The following CDC20B variants were observed in gnomAD, a reference collection of about 807,000 sequenced individuals.
The protein encoded by CDC20B is cell division cycle protein 20 homolog B.
In CDC20B, 58 loss-of-function variants were observed where a neutral mutation model predicts 64.1. The ratio of observed to expected loss-of-function variants is 0.90; its 90% CI spans 0.73 to 1.13. The LOEUF (loss-of-function observed/expected upper bound fraction) is 1.13, where lower values mean the gene tolerates loss of function less well. Among genes scored for constraint, CDC20B ranks in the 50% most tolerant of loss-of-function variants. The pLI is 0.00. For synonymous variants in CDC20B, 243 were observed against 230.6 expected (o/e 1.05, Z -0.49); for missense variants, 597 against 633.0 (o/e 0.94, Z 0.61).
intron 4 of CDC20B, among the ~76,000 whole-genome samples, chr5:55,143,051 G>GA (rs1045327139): frequency 1.5e-4 from 22 of 151,486 alleles, no homozygotes; most frequent in African/African-American, 4.8e-4. Context: ...ACTTAACCAA[G>GA]AAAAAAACAA....
At chr5:55,147,447 CAA>C (rs1002843277) in intron 2 of CDC20B, among the ~76,000 whole-genome samples, 7 of 143,468 alleles carry the variant, frequency 4.9e-5, no homozygotes, top group East Asian at 2.0e-4. Flanking sequence ...TATTTATATA[CAA>C]AAGTTATATT....
intron 2 of CDC20B, among the ~76,000 whole-genome samples, chr5:55,155,641 T>G (rs1561299792): frequency 1.3e-5 from 2 of 152,222 alleles, no homozygotes; most frequent in Admixed American, 6.5e-5. Flanking sequence ...CCCATCCTAG[T>G]AGGCAATATG....
At chr5:55,118,712 G>T (rs1742682748) in intron 11 of CDC20B, among the ~76,000 whole-genome samples, 1 of 152,148 alleles carries the variant, frequency 6.6e-6, no homozygotes, top group Non-Finnish European at 1.5e-5. Context: ...TCACCAAAAT[G>T]GCTCTGCTAA....
At chr5:55,157,871 AAC>A (rs1469867785) in intron 2 of CDC20B, among the ~76,000 whole-genome samples, 1 of 152,184 alleles carries the variant, frequency 6.6e-6, no homozygotes. Flanking sequence ...TCCACCTCAA[AAC>A]ACAGTTATAA....
chr5:55,155,192 T>C (rs1161085199), intron 2 of CDC20B, among the ~76,000 whole-genome samples: 1 of 152,134 alleles, frequency 6.6e-6, no homozygotes, highest in African/African-American at 2.4e-5. Context: ...CATAGTGACA[T>C]TAAACCAGGA....
At chr5:55,138,350 G>A (rs1171524497) in intron 5 of CDC20B, among the ~76,000 whole-genome samples, 1 of 151,860 alleles carries the variant, frequency 6.6e-6, no homozygotes, top group African/African-American at 2.4e-5. Context: ...TACTAGAGAT[G>A]GGGTCTCACC....
At chr5:55,164,049 T>C in intron 2 of CDC20B, 3 of 1,559,210 alleles carry the variant, frequency 1.9e-6, no homozygotes, top group South Asian at 2.4e-5. Context: ...GTTCTGGATA[T>C]TTTAGATTCT....
intron 6 of CDC20B, among the ~76,000 whole-genome samples, chr5:55,132,078 A>G (rs1270427689): frequency 1.3e-5 from 2 of 152,140 alleles, no homozygotes; most frequent in Non-Finnish European, 2.9e-5. Flanking sequence ...AAAGAAAGAA[A>G]AAGGGCTGTG....
At chr5:55,156,585 TAAGTC>T (rs1183545155) in intron 2 of CDC20B, among the ~76,000 whole-genome samples, 3 of 152,114 alleles carry the variant, frequency 2.0e-5, no homozygotes, top group Non-Finnish European at 2.9e-5. Flanking sequence ...TCTAAAAACA[TAAGTC>T]ACTGGCCAGG....
intron 2 of CDC20B, among the ~76,000 whole-genome samples, chr5:55,162,377 A>G (rs1744125283): frequency 6.6e-6 from 1 of 152,222 alleles, no homozygotes; most frequent in African/African-American, 2.4e-5. Context: ...CCTGGGCGAC[A>G]GAGCAAGCCT....
intron 2 of CDC20B, among the ~76,000 whole-genome samples, chr5:55,149,268 T>C (rs1743590690): frequency 6.6e-6 from 1 of 152,230 alleles, no homozygotes; most frequent in Non-Finnish European, 1.5e-5. Context: ...ATTGCAAGTG[T>C]ACAGAATGTG....
At chr5:55,142,900 T>C (rs1743369077) in intron 4 of CDC20B, among the ~76,000 whole-genome samples, 2 of 152,222 alleles carry the variant, frequency 1.3e-5, no homozygotes, top group Admixed American at 1.3e-4. Flanking sequence ...AACTGAAATA[T>C]GGATTCCTTC....
chr5:55,152,039 G>A (rs1423198642), intron 2 of CDC20B, among the ~76,000 whole-genome samples: 3 of 152,238 alleles, frequency 2.0e-5, no homozygotes, highest in Admixed American at 6.5e-5. Context: ...AGGGAGATGT[G>A]ACTGCACACA....
intron 3 of CDC20B, among the ~76,000 whole-genome samples, chr5:55,145,699 C>G (rs899958336): frequency 6.6e-6 from 1 of 151,960 alleles, no homozygotes; most frequent in Non-Finnish European, 1.5e-5. Flanking sequence ...TCTTCTTCTT[C>G]CCTACTACTC....
chr5:55,119,657 T>C, intron 11 of CDC20B, 144 bp downstream of exon 11: 1 of 601,210 alleles, frequency 1.7e-6, no homozygotes, highest in Non-Finnish European at 3.0e-6. Context: ...CTCTCTGAGG[T>C]AGGGTGGATG....
At chr5:55,158,071 A>G (rs1483368123) in intron 2 of CDC20B, among the ~76,000 whole-genome samples, 1 of 152,184 alleles carries the variant, frequency 6.6e-6, no homozygotes, top group South Asian at 2.1e-4. Context: ...GAAACCAAAA[A>G]AAGTTTGAGG....
intron 2 of CDC20B, among the ~76,000 whole-genome samples, chr5:55,150,088 C>A (rs895813183): frequency 3.3e-5 from 5 of 152,074 alleles, no homozygotes; most frequent in Non-Finnish European, 7.4e-5. Flanking sequence ...GCCGAGATCG[C>A]ACCATTGCAC....
At chr5:55,149,451 A>C (rs182140207) in intron 2 of CDC20B, among the ~76,000 whole-genome samples, 53 of 152,360 alleles carry the variant, frequency 3.5e-4, no homozygotes, top group African/African-American at 1.3e-3. Context: ...GACAACCCAA[A>C]CACTCATCAA....
chr5:55,124,847 G>A lies in CDC20B; in HGVS notation c.1171C>T (p.Gln391Ter), dbSNP rs760920970. 9.3e-6 allele frequency: 15 copies of A among 1,614,182 alleles called. No homozygotes were observed. The highest frequency in any genetic ancestry group is 1.1e-5 in the Non-Finnish European group (13 of 1,180,018). ...IWPHDPGASA[Q>*]GQPLKVITQS... Reference sequence around the variant, plus strand: ...GTTATGACTTTCAGCGGTTGGCCCTGTGCACTGGCACCTGGATCGTGGGGC... The same window carrying A: ...GTTATGACTTTCAGCGGTTGGCCCTATGCACTGGCACCTGGATCGTGGGGC... The change falls in exon 9 of 12, where the codon CAG (glutamine) becomes TAG (stop). Residue 391 changes from glutamine to a stop codon, truncating the protein, a stop_gained. Transcript: ENST00000381375. LOFTEE classifies it high-confidence loss of function.
Sources: allele counts gnomAD v4.1 joint callset (sites outside exome capture counted in the v4.1 genomes callset), GRCh38; gene constraint gnomAD v4.1.1; transcripts MANE v1.5; gene names NCBI Gene and HGNC (gene_info 2026-07-23, HGNC 2026-07-21).